The following SLX4IP variants were observed in gnomAD, a reference collection of about 807,000 sequenced individuals.
The protein encoded by SLX4IP is protein SLX4IP.
SLX4IP carries 34 observed loss-of-function variants against 32.9 expected under a neutral mutation model. That is an observed-to-expected ratio of 1.03 (90% CI 0.79 to 1.38). The LOEUF (loss-of-function observed/expected upper bound fraction) is 1.38. Among genes scored for constraint, SLX4IP ranks in the 40% most tolerant of loss-of-function variants. SLX4IP has a pLI of 0.00. For synonymous variants in SLX4IP, 172 were observed against 171.7 expected, an observed-to-expected ratio of 1.00 and a Z score of -0.01; for missense variants, 444 against 479.0, an observed-to-expected ratio of 0.93 and a Z score of 0.68.
intron 6 of SLX4IP, 150 bp downstream of exon 6, chr20:10,601,969 C>T (rs1195880794): frequency 1.2e-5 from 8 of 652,506 alleles, no homozygotes; most frequent in East Asian, 2.8e-5. Flanking sequence ...ACCTGTTTTA[C>T]GTGGTAATAT....
At chr20:10,524,122 A>AG (rs2065922682) in intron 2 of SLX4IP, among the ~76,000 whole-genome samples, 2 of 152,368 alleles carry the variant, frequency 1.3e-5, no homozygotes, top group South Asian at 4.1e-4. Context: ...TGACGGCAGC[A>AG]GGCCTGGGCC....
intron 2 of SLX4IP, among the ~76,000 whole-genome samples, chr20:10,555,617 T>C (rs977016537): frequency 6.6e-6 from 1 of 152,238 alleles, no homozygotes; most frequent in South Asian, 2.1e-4. Context: ...TGGACAGCGC[T>C]AGCCTATAGA....
intron 2 of SLX4IP, among the ~76,000 whole-genome samples, chr20:10,481,479 A>T (rs1166671458): frequency 6.6e-6 from 1 of 152,092 alleles, no homozygotes; most frequent in African/African-American, 2.4e-5. Flanking sequence ...TAATTGCTTC[A>T]ATTTCCTTGT....
At chr20:10,573,738 G>A (rs1036432775) in intron 4 of SLX4IP, among the ~76,000 whole-genome samples, 1 of 152,206 alleles carries the variant, frequency 6.6e-6, no homozygotes, top group Non-Finnish European at 1.5e-5. Flanking sequence ...TTTACAAATA[G>A]AAGTGGATTT....
chr20:10,603,100 G>T (rs2066862393), intron 6 of SLX4IP, among the ~76,000 whole-genome samples: 1 of 152,190 alleles, frequency 6.6e-6, no homozygotes, highest in South Asian at 2.1e-4. Context: ...AATGCCATTG[G>T]CATACATCTA....
intron 2 of SLX4IP, among the ~76,000 whole-genome samples, chr20:10,520,261 A>G (rs1004219048): frequency 6.6e-6 from 1 of 152,106 alleles, no homozygotes; most frequent in African/African-American, 2.4e-5. Flanking sequence ...CGTGTTAGCC[A>G]GGATGGTCTT....
At chr20:10,597,160 T>G (rs2066780240) in intron 4 of SLX4IP, among the ~76,000 whole-genome samples, 1 of 152,220 alleles carries the variant, frequency 6.6e-6, no homozygotes, top group Non-Finnish European at 1.5e-5. Flanking sequence ...AATTGTATTC[T>G]TTATATAAGT....
intron 4 of SLX4IP, among the ~76,000 whole-genome samples, chr20:10,571,228 GCT>G (rs2066462290): frequency 6.6e-6 from 1 of 152,144 alleles, no homozygotes; most frequent in African/African-American, 2.4e-5. Flanking sequence ...GAGCAGTCTG[GCT>G]GCTTAGGAGT....
At chr20:10,465,348 ACTTGTTTACATAT>A (rs773883107) in intron 2 of SLX4IP, among the ~76,000 whole-genome samples, 2 of 152,124 alleles carry the variant, frequency 1.3e-5, no homozygotes, top group African/African-American at 2.4e-5. Flanking sequence ...AGCCACTCCC[ACTTGTTTACATAT>A]CATCCCTGGC....
At chr20:10,559,726 A>G (rs924076402) in intron 3 of SLX4IP, among the ~76,000 whole-genome samples, 2 of 152,204 alleles carry the variant, frequency 1.3e-5, no homozygotes, top group African/African-American at 2.4e-5. Context: ...CAATAAAACA[A>G]TTGACCTATC....
At chr20:10,543,757 T>C (rs925515033) in intron 2 of SLX4IP, among the ~76,000 whole-genome samples, 1 of 152,216 alleles carries the variant, frequency 6.6e-6, no homozygotes, top group African/African-American at 2.4e-5. Context: ...AGATCATTGG[T>C]AACCGTGACA....
chr20:10,599,408 C>T (rs536701136), intron 5 of SLX4IP, among the ~76,000 whole-genome samples: 3 of 152,204 alleles, frequency 2.0e-5, no homozygotes, highest in South Asian at 2.1e-4. Context: ...AAACTCTGCT[C>T]GAATATGTTA....
At chr20:10,558,246 G>C (rs1328257137) in intron 3 of SLX4IP, among the ~76,000 whole-genome samples, 3 of 151,544 alleles carry the variant, frequency 2.0e-5, no homozygotes, top group Admixed American at 1.3e-4. Context: ...AGGCTGAGGT[G>C]GGGGGATCAC....
chr20:10,568,974 C>T (rs2066428076), intron 4 of SLX4IP, among the ~76,000 whole-genome samples: 1 of 152,168 alleles, frequency 6.6e-6, no homozygotes, highest in African/African-American at 2.4e-5. Flanking sequence ...TCGAATATTT[C>T]TCTTTTTCCC....
intron 1 of SLX4IP, among the ~76,000 whole-genome samples, chr20:10,444,895 G>A (rs2065188851): frequency 6.6e-6 from 1 of 152,054 alleles, no homozygotes; most frequent in Non-Finnish European, 1.5e-5. Context: ...ATACCAACAT[G>A]TAGACCATAG....
chr20:10,613,537 G>A (rs2066992222), intron 6 of SLX4IP: 1 of 1,610,324 alleles, frequency 6.2e-7, no homozygotes, highest in Non-Finnish European at 8.5e-7. Flanking sequence ...ATTTCCTTTT[G>A]CCAATCCTTT....
At chr20:10,540,094 CCTTT>C (rs1383088389) in intron 2 of SLX4IP, among the ~76,000 whole-genome samples, 1 of 65,994 alleles carries the variant, frequency 1.5e-5, no homozygotes, top group Non-Finnish European at 3.3e-5. Context: ...CTCCTTCCTT[CCTTT>C]CCTTCCTTCC....
At chr20:10,577,777 G>T (rs1421704362) in intron 4 of SLX4IP, among the ~76,000 whole-genome samples, 1 of 152,204 alleles carries the variant, frequency 6.6e-6, no homozygotes, top group Non-Finnish European at 1.5e-5. Flanking sequence ...TAGGATGACT[G>T]TAGGGCCAGG....
intron 6 of SLX4IP, among the ~76,000 whole-genome samples, chr20:10,620,574 G>A (rs1255591561): frequency 2.0e-5 from 3 of 151,138 alleles, no homozygotes; most frequent in Admixed American, 6.6e-5. Context: ...TTTTTTTTGA[G>A]ACAGAGTCTC....
Sources: gnomAD v4.1 joint callset for allele counts (sites outside exome capture counted in the v4.1 genomes callset) on GRCh38, gnomAD v4.1.1 for gene constraint, MANE v1.5 for transcripts, NCBI Gene and HGNC (gene_info 2026-07-23, HGNC 2026-07-21) for gene names.